The following NAV3 variants were observed in gnomAD, a reference collection of about 807,000 sequenced individuals.
NAV3 encodes pore membrane and/or filament interacting like protein 1.
NAV3 carries 87 observed loss-of-function variants against 244.7 expected under a neutral mutation model. The observed-to-expected ratio is 0.36, with a 90% CI of 0.30 to 0.42. NAV3 has a LOEUF of 0.42. Among genes scored for constraint, NAV3 ranks in the 20% least tolerant of loss-of-function variants. The probability of loss-of-function intolerance (pLI) is 1.00; values close to 1 mark genes in which losing one functional copy is unlikely to be tolerated. For synonymous variants in NAV3, 1,126 were observed against 1,042.2 expected (o/e 1.08, Z -1.55); for missense variants, 2,663 against 2,893.3 (o/e 0.92, Z 1.83).
At chr12:77,820,147 G>T (rs576848705) in intron 2 of NAV3, among the ~76,000 whole-genome samples, 1 of 152,086 alleles carries the variant, frequency 6.6e-6, no homozygotes, top group East Asian at 1.9e-4. Flanking sequence ...GATAAAAAAG[G>T]AAAGGAAAAC....
intron 2 of NAV3, among the ~76,000 whole-genome samples, chr12:77,588,082 T>C (rs368273928): frequency 6.6e-6 from 1 of 152,206 alleles, no homozygotes; most frequent in Non-Finnish European, 1.5e-5. Context: ...AAATTTAACA[T>C]ACTTAGAAAA....
At chr12:77,768,491 G>A (rs896620159) in intron 2 of NAV3, among the ~76,000 whole-genome samples, 1 of 152,238 alleles carries the variant, frequency 6.6e-6, no homozygotes, top group East Asian at 1.9e-4. Flanking sequence ...ACTGGAGGGG[G>A]CTGAGGCAGC....
At chr12:77,731,418 C>T (rs1448281328) in intron 2 of NAV3, among the ~76,000 whole-genome samples, 2 of 151,930 alleles carry the variant, frequency 1.3e-5, no homozygotes, top group African/African-American at 2.4e-5. Flanking sequence ...AAAAGTTGCT[C>T]ACTAATGTAA....
rs1320883324 is a variant in NAV3 at position 77,873,758 on chromosome 12, ATATATATATG to A, written c.243+42061_243+42070del. On this transcript the variant is annotated intron_variant, in intron 1 of 39. Transcript: ENST00000397909. The stretch of plus-strand genomic sequence containing the variant: ...TATGTGTGTGTGTATATATATATAT[ATATATATATG>A]TATATAACAGCATATGCATTATGTG... 7.1e-4 allele frequency among the ~76,000 whole-genome samples: 82 copies of A among 115,196 alleles called. 1 individual carries two copies. The highest frequency in any genetic ancestry group is 1.2e-3 in the Non-Finnish European group (60 of 51,214). The allele number at this position is 115,196 out of a possible 152,430, so 75.6% of individuals were successfully genotyped here.
intron 2 of NAV3, among the ~76,000 whole-genome samples, chr12:77,614,833 C>T (rs1302308934): frequency 6.6e-6 from 1 of 152,142 alleles, no homozygotes; most frequent in Admixed American, 6.6e-5. Context: ...TAAGAAAGTT[C>T]GTTGCATTAT....
intron 2 of NAV3, among the ~76,000 whole-genome samples, chr12:77,698,774 C>T (rs1875426983): frequency 6.6e-6 from 1 of 152,062 alleles, no homozygotes; most frequent in Admixed American, 6.6e-5. Flanking sequence ...ATGTGAATGG[C>T]ATGGCTATTG....
intron 2 of NAV3, among the ~76,000 whole-genome samples, chr12:77,797,782 T>C (rs1239812425): frequency 6.6e-6 from 1 of 151,024 alleles, no homozygotes; most frequent in African/African-American, 2.4e-5. Flanking sequence ...GAGGTTGCAG[T>C]GAGCAAAGAT....
chr12:78,038,169 C>A (rs1880237324), intron 9 of NAV3, among the ~76,000 whole-genome samples: 1 of 152,146 alleles, frequency 6.6e-6, no homozygotes, highest in African/African-American at 2.4e-5. Context: ...TCAACTGTGC[C>A]ACCTACCTAA....
intron 15 of NAV3, among the ~76,000 whole-genome samples, chr12:78,120,596 C>T (rs1955627870): frequency 6.6e-6 from 1 of 152,154 alleles, no homozygotes; most frequent in African/African-American, 2.4e-5. Context: ...AGGATCATGA[C>T]TTGGTTTCTG....
At chr12:78,162,873 T>TATATAATATATATATAA (rs1957607168) in intron 23 of NAV3, among the ~76,000 whole-genome samples, 4 of 122,360 alleles carry the variant, frequency 3.3e-5, no homozygotes, top group African/African-American at 1.2e-4. Context: ...AAAAAAAATA[T>TATATAATATATATATAA]ATATATATAA....
intron 9 of NAV3, among the ~76,000 whole-genome samples, chr12:78,034,578 T>A (rs1180187538): frequency 1.3e-5 from 2 of 152,212 alleles, no homozygotes; most frequent in African/African-American, 4.8e-5. Context: ...TATTTACAGA[T>A]GAATAAGGTC....
intron 2 of NAV3, among the ~76,000 whole-genome samples, chr12:77,638,422 C>T (rs17793552): frequency 0.025 from 3,781 of 152,292 alleles, 60 homozygotes; most frequent in Middle Eastern, 0.082. Flanking sequence ...CTTTCTCATA[C>T]CTGTTCTATT....
rs933150390 is a variant in NAV3, at chr12:78,077,874, G to A, written c.2636+18759G>A. ...AATCGCTTGAACCTGGGAGGCGGAG[G>A]TTGCAGTGAGCCAAGATCACGCCTT... On this transcript the variant is annotated intron_variant, in intron 12 of 39. Transcript: ENST00000397909. Among the ~76,000 whole-genome samples the A allele has an allele frequency of 2.6e-5, 4 of 152,188 alleles. No homozygotes were observed. The East Asian group carries it at 7.7e-4, about 29-fold the overall frequency.
chr12:77,804,753 T>C (rs147618411), intron 2 of NAV3, among the ~76,000 whole-genome samples: 2,193 of 152,274 alleles, frequency 0.014, 51 homozygotes, highest in African/African-American at 0.05. Flanking sequence ...ATCTCTAAAT[T>C]ACTTTGGGCA....
intron 2 of NAV3, among the ~76,000 whole-genome samples, chr12:77,574,917 A>G (rs1267415238): frequency 6.6e-6 from 1 of 151,878 alleles, no homozygotes; most frequent in Non-Finnish European, 1.5e-5. Flanking sequence ...ATATGTCAGG[A>G]ACATGCATGA....
intron 1 of NAV3, among the ~76,000 whole-genome samples, chr12:77,897,858 T>C (rs1455309106): frequency 6.6e-6 from 1 of 152,180 alleles, no homozygotes; most frequent in Non-Finnish European, 1.5e-5. Flanking sequence ...GTATTTACCA[T>C]GGATTCTACT....
chr12:77,642,741 A>AT lies in NAV3; in HGVS notation c.72+70483dup, dbSNP rs1304464519. Among the ~76,000 whole-genome samples the AT allele has an allele frequency of 7.3e-5, 11 of 151,616 alleles. No individual in the cohort carries two copies. In the East Asian group the frequency reaches 1.8e-3, roughly 24 times the overall value. On this transcript the variant is annotated intron_variant, in intron 2 of 8. Transcript: ENST00000550042. Reference sequence around the variant, plus strand: ...ATGCAGTTGACAAAGAAATTTGATCATTTTTTTTCTTTTGTAGTTTACTCA... The same window carrying AT: ...ATGCAGTTGACAAAGAAATTTGATCATTTTTTTTTCTTTTGTAGTTTACTCA...
intron 27 of NAV3, 63 bp downstream of exon 27, chr12:78,177,376 T>G: frequency 3.9e-6 from 6 of 1,528,298 alleles, no homozygotes; most frequent in South Asian, 1.2e-5. Flanking sequence ...ATGAAGGCCT[T>G]ATTTATGTTC....
At chr12:78,154,232 C>T (rs1243289146) in intron 22 of NAV3, among the ~76,000 whole-genome samples, 1 of 88,550 alleles carries the variant, frequency 1.1e-5, no homozygotes, top group African/African-American at 4.0e-5. Context: ...CCTATATATG[C>T]ACCTATATAT....
Sources: gnomAD v4.1 joint callset for allele counts (sites outside exome capture counted in the v4.1 genomes callset) on GRCh38, gnomAD v4.1.1 for gene constraint, MANE v1.5 for transcripts, NCBI Gene and HGNC (gene_info 2026-07-23, HGNC 2026-07-21) for gene names.